The following PRELID3A variants were observed in gnomAD, a reference collection of about 807,000 sequenced individuals.
PRELID3A encodes the protein PRELI domain containing 3A.
PRELID3A carries 27 observed loss-of-function variants against 23.0 expected under a neutral mutation model. That is an observed-to-expected ratio of 1.17 (90% CI 0.87 to 1.62). The LOEUF is 1.62. Ranked by LOEUF, PRELID3A falls within the 40% of genes most tolerant of loss-of-function variation. PRELID3A has a pLI of 0.00. For missense variants in PRELID3A, 231 were observed against 231.4 expected (o/e 1.00, Z 0.01); for synonymous variants, 87 against 86.4 (o/e 1.01, Z -0.04).
intron 3 of PRELID3A, among the ~76,000 whole-genome samples, chr18:12,426,525 G>A (rs1308154323): frequency 1.6e-5 from 2 of 125,566 alleles, no homozygotes; most frequent in Non-Finnish European, 3.2e-5. Context: ...CTGCACTCCA[G>A]CCTGGGCTAC....
At chr18:12,416,291 T>C (rs1006731380) in intron 1 of PRELID3A, among the ~76,000 whole-genome samples, 5 of 151,830 alleles carry the variant, frequency 3.3e-5, no homozygotes, top group African/African-American at 4.9e-5. Context: ...TTTTGTTCTT[T>C]CTGGGTTTTT....
rs1242052080 is a variant in PRELID3A, at chr18:12,420,183, C to T, written c.33-142C>T. The stretch of plus-strand genomic sequence containing the variant: ...CGGCGGCCGGGGAGGGCTCGCGGGA[C>T]TCCTCAGATTTGTCGGACCAGCCTT... On this transcript the variant is annotated intron_variant, in intron 1 of 6. Transcript: ENST00000440960. 4 of 1,433,244 alleles carry T rather than the reference C, an allele frequency of 2.8e-6. No homozygotes were observed. In the African/African-American group the frequency reaches 4.3e-5, roughly 16 times the overall value. The allele number at this position is 1,433,244 out of a possible 1,614,324, so 88.8% of individuals were successfully genotyped here. A position where few individuals can be genotyped will look rare whatever the true frequency, so the allele number is the denominator to read the frequency against.
At chr18:12,429,672 C>T (rs540056737) in intron 6 of PRELID3A, among the ~76,000 whole-genome samples, 4 of 152,322 alleles carry the variant, frequency 2.6e-5, no homozygotes, top group Admixed American at 2.6e-4. Context: ...CCCTCTGGGT[C>T]GCATGGTGGC....
rs905256243 is a variant in PRELID3A at position 12,425,347 on chromosome 18, G to A, written c.292-1694G>A. Among the ~76,000 whole-genome samples the A allele has an allele frequency of 6.6e-5, 10 of 151,722 alleles. No homozygotes were observed. The South Asian group carries it at 1.3e-3, about 19-fold the overall frequency. ...TTTTGACAGAAAATATAGGCTGGGC[G>A]CAGTGGCTCATGCCTGTAATCCCAG... is the stretch of plus-strand genomic sequence containing the variant. On this transcript the variant is annotated intron_variant, in intron 3 of 6. Coordinates refer to ENST00000440960, the MANE Select transcript of PRELID3A (RefSeq NM_001142405.2).
At chr18:12,426,388 A>G (rs1290861268) in intron 3 of PRELID3A, among the ~76,000 whole-genome samples, 6 of 150,546 alleles carry the variant, frequency 4.0e-5, no homozygotes, top group Non-Finnish European at 8.9e-5. Context: ...CTCCGTCTCT[A>G]CTAAAAATAC....
chr18:12,430,301 CTA>C (rs1465355843), intron 6 of PRELID3A, among the ~76,000 whole-genome samples: 3 of 150,386 alleles, frequency 2.0e-5, no homozygotes, highest in African/African-American at 2.4e-5. Flanking sequence ...TGGTGAGTAT[CTA>C]TGTGTGTGTG....
At chr18:12,412,641 G>T (rs1250517868) in intron 1 of PRELID3A, among the ~76,000 whole-genome samples, 3 of 151,878 alleles carry the variant, frequency 2.0e-5, no homozygotes, top group African/African-American at 7.3e-5. Flanking sequence ...ATTACAAATC[G>T]AACTGCAGTG....
At chr18:12,408,468 C>T (rs567644600) in intron 1 of PRELID3A, among the ~76,000 whole-genome samples, 31 of 152,272 alleles carry the variant, frequency 2.0e-4, no homozygotes, top group African/African-American at 7.5e-4. Context: ...CACGGAGGGC[C>T]CACGGCGGGC....
chr18:12,425,064 A>G (rs1257295933), intron 3 of PRELID3A, among the ~76,000 whole-genome samples: 2 of 152,000 alleles, frequency 1.3e-5, no homozygotes, highest in African/African-American at 4.8e-5. Context: ...AATCGCTTGA[A>G]TCTGGGAGGT....
At position 12,420,360 on chromosome 18, in the gene PRELID3A, G is replaced by C. The variant is rs372651215; in HGVS notation, c.68G>C (p.Arg23Pro). The change falls in exon 2 of 7, where the codon CGC (arginine) becomes CCC (proline). Residue 23 changes from arginine to proline, a missense_variant. Arg to Pro is a moderately radical substitution (Grantham distance 103). Coordinates refer to ENST00000440960, the MANE Select transcript of PRELID3A (RefSeq NM_001142405.2). ...GACACGGTCATCCAGGCGGCCATGC[G>C]CAAGTACCCGAACCCGATGAACCCG... ...PWDTVIQAAM[R>P]KYPNPMNPSV... The C allele has an allele frequency of 5.3e-5, 86 of 1,611,300 alleles. No homozygotes were observed. Among genetic ancestry groups the C allele is most frequent in the Non-Finnish European group, 6.5e-5 (77 of 1,179,324 alleles).
At chr18:12,411,480 A>C (rs989696515) in intron 1 of PRELID3A, among the ~76,000 whole-genome samples, 1 of 151,702 alleles carries the variant, frequency 6.6e-6, no homozygotes, top group Non-Finnish European at 1.5e-5. Context: ...AAAAAAAAAA[A>C]AAAAAGGACA....
intron 1 of PRELID3A, 124 bp from the exon 2 acceptor site, chr18:12,420,201 C>G: frequency 6.9e-7 from 1 of 1,445,338 alleles, no homozygotes; most frequent in Non-Finnish European, 9.1e-7. Flanking sequence ...ATTTGTCGGA[C>G]CAGCCTTTCA....
At chr18:12,420,239 C>G in intron 1 of PRELID3A, 86 bp from the exon 2 acceptor site, 4 of 1,494,550 alleles carry the variant, frequency 2.7e-6, no homozygotes, top group Non-Finnish European at 2.7e-6. Flanking sequence ...GCGCGTTGCC[C>G]AGGCCTGGCG....
chr18:12,428,538 C>T (rs2030450110), intron 5 of PRELID3A, among the ~76,000 whole-genome samples: 1 of 152,264 alleles, frequency 6.6e-6, no homozygotes, highest in Non-Finnish European at 1.5e-5. Context: ...TCCTTCCATG[C>T]TTAACTCTCC....
intron 3 of PRELID3A, among the ~76,000 whole-genome samples, chr18:12,426,493 T>G (rs190335505): frequency 0.038 from 5,301 of 139,306 alleles, 137 homozygotes; most frequent in East Asian, 0.09. Context: ...GGCAGAGCTT[T>G]CAGTGAGCCG....
chr18:12,421,325 C>T (rs2030174503), intron 2 of PRELID3A: 1 of 559,942 alleles, frequency 1.8e-6, no homozygotes, highest in Non-Finnish European at 3.2e-6. Context: ...AGTGCTGCTG[C>T]ACGCTCCACT....
chr18:12,429,408 G>A lies in PRELID3A; in HGVS notation c.*5G>A, dbSNP rs748212791. The A allele has an allele frequency of 6.2e-7, 1 of 1,613,050 alleles. No individual in the cohort carries two copies. The highest frequency in any genetic ancestry group is 8.5e-7 in the Non-Finnish European group (1 of 1,179,358). ...TCTGAAAGCGCTGTGAGCTAAGGAG[G>A]CCTGTGCCTGTGCTTGTCATAAATG... On this transcript the variant is annotated 3_prime_UTR_variant, in exon 6 of 7. Coordinates refer to ENST00000440960, the MANE Select transcript of PRELID3A (RefSeq NM_001142405.2).
At chr18:12,418,712 G>A (rs762092404) in intron 1 of PRELID3A, among the ~76,000 whole-genome samples, 2 of 152,202 alleles carry the variant, frequency 1.3e-5, no homozygotes, top group East Asian at 3.9e-4. Flanking sequence ...GACAATTAGG[G>A]CAATAAAGTG....
rs535156758 is a variant in PRELID3A at position 12,420,433 on chromosome 18, C to T, written c.141C>T (p.Gly47=). 551 of 1,586,432 alleles carry T rather than the reference C, an allele frequency of 3.5e-4. 4 individuals are homozygous for T. The South Asian group carries it at 5.6e-3, about 16-fold the overall frequency. ...DVLQRRVDGR[G]RLHSLRLLST... is the part of the protein sequence containing the mutation. ...TACAGCGCCGCGTGGACGGCCGCGG[C>T]CGCCTGCACAGCTTGCGCCTGCTCA... The change falls in exon 2 of 7, where the codon GGC becomes GGT. Residue 47 remains glycine, a synonymous_variant. Transcript: ENST00000440960.
Sources: gnomAD v4.1 joint callset for allele counts (sites outside exome capture counted in the v4.1 genomes callset) on GRCh38, gnomAD v4.1.1 for gene constraint, MANE v1.5 for transcripts, NCBI Gene and HGNC (gene_info 2026-07-23, HGNC 2026-07-21) for gene names.